The following JUP variants were observed in gnomAD, a reference collection of about 807,000 sequenced individuals.
JUP encodes the protein catenin (cadherin-associated protein), gamma 80kDa.
Under a neutral mutation model 71.1 loss-of-function variants are expected in JUP, and 28 were observed. That is an observed-to-expected ratio of 0.39 (90% CI 0.29 to 0.54). The LOEUF is 0.54. Ranked by LOEUF, JUP falls within the 20% of genes least tolerant of loss-of-function variation. The probability of loss-of-function intolerance (pLI) is 0.62; values close to 1 mark genes in which losing one functional copy is unlikely to be tolerated. For synonymous variants in JUP, 401 were observed against 438.9 expected (o/e 0.91, Z 1.08); for missense variants, 869 against 1,030.1 (o/e 0.84, Z 2.14).
At chr17:41,758,902 C>G (rs1914338410) in intron 8 of JUP, 32 bp from the exon 9 acceptor site, 1 of 1,591,548 alleles carries the variant, frequency 6.3e-7, no homozygotes, top group Admixed American at 1.7e-5. Context: ...ATCAGGGGCA[C>G]TTCTTGGACA....
chr17:41,771,635 A>T lies in JUP; in HGVS notation c.208+12T>A, dbSNP rs887126512. ...TTTTCTGCCCCATGCAATAGTCCCC[A>T]GGGGTCCTGACCTTGGCTGGGGGGC... is the stretch of plus-strand genomic sequence containing the variant. On this transcript the variant is annotated intron_variant, in intron 2 of 13. Transcript: ENST00000393931. The T allele has an allele frequency of 6.2e-7, 1 of 1,611,946 alleles. No homozygotes were observed.
At chr17:41,782,229 A>G (rs1452611012) in intron 1 of JUP, among the ~76,000 whole-genome samples, 1 of 152,202 alleles carries the variant, frequency 6.6e-6, no homozygotes, top group Non-Finnish European at 1.5e-5. Flanking sequence ...TAGAGGGCCA[A>G]GGCTCTGGCT....
chr17:41,773,687 G>T (rs952127408), intron 1 of JUP, among the ~76,000 whole-genome samples: 1 of 152,138 alleles, frequency 6.6e-6, no homozygotes, highest in Non-Finnish European at 1.5e-5. Context: ...GGCAATGGTG[G>T]GGGGCGGGGG....
At chr17:41,777,644 C>T (rs902848701) in intron 1 of JUP, among the ~76,000 whole-genome samples, 1 of 152,230 alleles carries the variant, frequency 6.6e-6, no homozygotes, top group Non-Finnish European at 1.5e-5. Flanking sequence ...CTTAGGCTTC[C>T]GGAGGAAAAC....
rs1555603348 is a variant in JUP, at chr17:41,764,956, A to G, written c.1021T>C (p.Cys341Arg). The change falls in exon 6 of 14, where the codon TGT (cysteine) becomes CGT (arginine). Residue 341 changes from cysteine to arginine, a missense_variant. Coordinates refer to ENST00000393931, the MANE Select transcript of JUP (RefSeq NM_002230.4). Reference protein sequence around the residue: ...TSRVLKVLSVCPSNKPAIVEA... With the variant: ...TSRVLKVLSVRPSNKPAIVEA... ...ACAATGGCAGGCTTATTGCTGGGACACACGGATAGCACCTTGAGCACACGA... is the reference window on the plus strand; with the variant it reads ...ACAATGGCAGGCTTATTGCTGGGACGCACGGATAGCACCTTGAGCACACGA... 2 of 1,614,086 alleles carry G rather than the reference A, an allele frequency of 1.2e-6. No individual in the cohort carries two copies. The highest frequency in any genetic ancestry group is 1.7e-6 in the Non-Finnish European group (2 of 1,180,050).
chr17:41,765,432 A>C (rs1915566053), intron 5 of JUP, among the ~76,000 whole-genome samples: 2 of 151,414 alleles, frequency 1.3e-5, no homozygotes, highest in South Asian at 4.2e-4. Context: ...GGTCACTACA[A>C]CCTCCGCCTC....
Position 41,757,235 on chromosome 17 carries a change from G to A in JUP, c.2046+180C>T, listed in dbSNP as rs9890521. Among the ~76,000 whole-genome samples, 5,171 of 152,272 alleles carry A rather than the reference G, an allele frequency of 0.034. 274 individuals are homozygous for A. Among genetic ancestry groups the A allele is most frequent in the African/African-American group, 0.11 (4,737 of 41,522 alleles). Reference sequence around the variant, plus strand: ...ACTCATTTGGGCAAAATAAAAATTGGCATTTTGTGGATATATGATTCAACC... The same window carrying A: ...ACTCATTTGGGCAAAATAAAAATTGACATTTTGTGGATATATGATTCAACC... On this transcript the variant is annotated intron_variant, in intron 12 of 13. Transcript: ENST00000393931.
rs782733127 is a variant in JUP, at chr17:41,757,487, T to C, written c.1974A>G (p.Pro658=). The C allele has an allele frequency of 6.2e-7, 1 of 1,614,160 alleles. No homozygotes were observed. Among genetic ancestry groups the C allele is most frequent in the Non-Finnish European group, 8.5e-7 (1 of 1,180,018 alleles). Residue 658 remains proline (P), a synonymous_variant, in exon 12 of 14, where the codon CCA becomes CCG. Coordinates refer to ENST00000393931, the MANE Select transcript of JUP (RefSeq NM_002230.4). ...VLFRISEDKN[P]DYRKRVSVEL... ...CCACGGACACGCGCTTCCGGTAGTCTGGGTTCTTGTCCTCGGAGATGCGGA... is the reference window on the plus strand; with the variant it reads ...CCACGGACACGCGCTTCCGGTAGTCCGGGTTCTTGTCCTCGGAGATGCGGA...
Position 41,755,238 on chromosome 17 carries a change from G to A in JUP, c.*506C>T, listed in dbSNP as rs575645530. On this transcript the variant is annotated 3_prime_UTR_variant, in exon 14 of 14. Coordinates refer to ENST00000393931, the MANE Select transcript of JUP (RefSeq NM_002230.4). ...TAGTGGCCAGGGCCACAGGGGCGGGGAGGGGGTGTCAGGCCCTGGACCCAT... is the reference window on the plus strand; with the variant it reads ...TAGTGGCCAGGGCCACAGGGGCGGGAAGGGGGTGTCAGGCCCTGGACCCAT... 5 of 398,988 alleles carry A rather than the reference G, an allele frequency of 1.3e-5. No individual in the cohort carries two copies. The highest frequency in any genetic ancestry group is 2.6e-4 in the South Asian group (2 of 7,830). The allele number at this position is 398,988 out of a possible 1,614,324, so 24.7% of individuals were successfully genotyped here.
At chr17:41,778,209 C>T (rs1233132000) in intron 1 of JUP, among the ~76,000 whole-genome samples, 1 of 152,124 alleles carries the variant, frequency 6.6e-6, no homozygotes, top group African/African-American at 2.4e-5. Flanking sequence ...CTGGGAAGAT[C>T]CATCTGTTTA....
rs369121094 is a variant in JUP, at chr17:41,769,191, G to A, written c.485C>T (p.Ala162Val). 1.2e-5 allele frequency: 20 copies of A among 1,600,920 alleles called. No homozygotes were observed. In the East Asian group the frequency reaches 2.7e-4, roughly 21 times the overall value. The change falls in exon 4 of 14, where the codon GCG becomes GTG. Residue 162 changes from alanine (A) to valine (V), a missense_variant. Ala to Val is a moderately conservative substitution (Grantham distance 64). Transcript: ENST00000393931. ...CGACAGCTGGTTCACAATCATGGCC[G>A]CCTTGGTCACCACCACCTGGAGGGC... Reference protein sequence around the residue: ...NDEDPVVVTKAAMIVNQLSKK... With the variant: ...NDEDPVVVTKVAMIVNQLSKK...
Position 41,764,942 on chromosome 17 carries a change from C to T in JUP, c.1035G>A (p.Lys345=). The stretch of plus-strand genomic sequence containing the variant: ...ACTCACCAGCCTCCACAATGGCAGG[C>T]TTATTGCTGGGACACACGGATAGCA... ...LKVLSVCPSN[K]PAIVEAGGMQ... is the part of the protein sequence containing the mutation. The change falls in exon 6 of 14, where the codon AAG becomes AAA. Residue 345 remains lysine, a synonymous_variant. Transcript: ENST00000393931. The T allele has an allele frequency of 3.1e-6, 5 of 1,614,166 alleles. No individual in the cohort carries two copies. The highest frequency in any genetic ancestry group is 4.2e-6 in the Non-Finnish European group (5 of 1,180,034).
At chr17:41,762,948 G>A in intron 8 of JUP, 35 bp downstream of exon 8, 2 of 1,593,308 alleles carry the variant, frequency 1.3e-6, no homozygotes, top group South Asian at 1.1e-5. Context: ...TAAGCCTGCT[G>A]CAGGGAGCTC....
intron 8 of JUP, among the ~76,000 whole-genome samples, chr17:41,761,631 G>C (rs1555601252): frequency 1.3e-5 from 2 of 151,666 alleles, no homozygotes; most frequent in African/African-American, 2.4e-5. Context: ...AACCAACATA[G>C]AGAAATCCCG....
At chr17:41,757,900 G>A in intron 10 of JUP, 116 bp from the exon 11 acceptor site, 1 of 858,322 alleles carries the variant, frequency 1.2e-6, no homozygotes, top group Non-Finnish European at 1.8e-6. Context: ...AGTGGAAAAT[G>A]GGCCGTCACT....
chr17:41,769,737 C>T (rs1026072367), intron 2 of JUP, 60 bp from the exon 3 acceptor site: 6 of 1,567,076 alleles, frequency 3.8e-6, no homozygotes, highest in East Asian at 2.3e-5. Context: ...CACTGGGGAG[C>T]AGGGCAGGCC....
intron 1 of JUP, among the ~76,000 whole-genome samples, chr17:41,784,140 G>A (rs1452102017): frequency 2.0e-5 from 3 of 152,088 alleles, no homozygotes; most frequent in South Asian, 2.1e-4. Context: ...CAGTCCTTCT[G>A]TAGACTAGTC....
At chr17:41,777,412 G>A (rs1452303632) in intron 1 of JUP, among the ~76,000 whole-genome samples, 5 of 152,204 alleles carry the variant, frequency 3.3e-5, no homozygotes, top group Non-Finnish European at 5.9e-5. Context: ...CACAGACACA[G>A]ACTCTAGAAA....
At chr17:41,783,658 C>T (rs906856079) in intron 1 of JUP, among the ~76,000 whole-genome samples, 3 of 151,940 alleles carry the variant, frequency 2.0e-5, no homozygotes, top group Non-Finnish European at 2.9e-5. Flanking sequence ...AGGTGGCTCA[C>T]GCCTGTAATC....
Sources: gnomAD v4.1 joint callset for allele counts (sites outside exome capture counted in the v4.1 genomes callset) on GRCh38, gnomAD v4.1.1 for gene constraint, MANE v1.5 for transcripts, NCBI Gene and HGNC (gene_info 2026-07-23, HGNC 2026-07-21) for gene names.